The following DIP2C variants were observed in gnomAD, a reference collection of about 807,000 sequenced individuals.
DIP2C encodes disco-interacting protein 2 homolog C.
Under a neutral mutation model 192.4 loss-of-function variants are expected in DIP2C, and 33 were observed. The observed-to-expected ratio is 0.17, with a 90% CI of 0.13 to 0.23. The LOEUF (loss-of-function observed/expected upper bound fraction) is 0.23, where lower values mean the gene tolerates loss of function less well. Ranked by LOEUF, DIP2C falls within the 10% of genes least tolerant of loss-of-function variation. The pLI, the probability that DIP2C is intolerant of heterozygous loss-of-function variation, is 1.00. For missense variants in DIP2C, 1,537 were observed against 2,110.1 expected (o/e 0.73, Z 5.32); for synonymous variants, 979 against 864.1 (o/e 1.13, Z -2.33).
Position 649,080 on chromosome 10 carries a change from G to A in DIP2C, c.85+40414C>T, listed in dbSNP as rs551177967. Among the ~76,000 whole-genome samples the A allele has an allele frequency of 8.8e-4, 129 of 146,916 alleles. 1 individual carries two copies. The highest frequency in any genetic ancestry group is 3.0e-3 in the African/African-American group (120 of 39,832). ...ATTGGATGGTGGGAGAGAACATAGG[G>A]AAACTGAGTCCACGTCCACATTGGA... On this transcript the variant is annotated intron_variant, in intron 1 of 36. Transcript: ENST00000280886.
At chr10:607,967 G>C (rs1852619324) in intron 1 of DIP2C, among the ~76,000 whole-genome samples, 1 of 151,684 alleles carries the variant, frequency 6.6e-6, no homozygotes, top group African/African-American at 2.4e-5. Flanking sequence ...GAGGCTTGCG[G>C]CTACAGACAC....
At chr10:327,450 G>A (rs1487476037) in intron 30 of DIP2C, among the ~76,000 whole-genome samples, 1 of 152,228 alleles carries the variant, frequency 6.6e-6, no homozygotes, top group African/African-American at 2.4e-5. Context: ...GAAAAAGGTT[G>A]AGGAAAAGCA....
chr10:457,987 C>A (rs1326255046), intron 3 of DIP2C, among the ~76,000 whole-genome samples: 1 of 152,172 alleles, frequency 6.6e-6, no homozygotes, highest in African/African-American at 2.4e-5. Context: ...ACAGTCCCAC[C>A]CACACCATCC....
At chr10:490,776 G>T (rs1204950958) in intron 1 of DIP2C, among the ~76,000 whole-genome samples, 1 of 152,114 alleles carries the variant, frequency 6.6e-6, no homozygotes, top group Non-Finnish European at 1.5e-5. Flanking sequence ...CGCCACTTAT[G>T]TTATTCTCAG....
intron 1 of DIP2C, among the ~76,000 whole-genome samples, chr10:520,179 C>T (rs950835679): frequency 1.3e-5 from 2 of 152,184 alleles, no homozygotes; most frequent in African/African-American, 4.8e-5. Context: ...AGAACCAAGG[C>T]GGCTGGGGTC....
chr10:460,131 C>G (rs2133375852), intron 3 of DIP2C, among the ~76,000 whole-genome samples: 2 of 152,276 alleles, frequency 1.3e-5, no homozygotes, highest in South Asian at 4.2e-4. Flanking sequence ...ACAGTCACAT[C>G]AGGGAACGGC....
chr10:518,799 G>A (rs967957435), intron 1 of DIP2C, among the ~76,000 whole-genome samples: 13 of 152,338 alleles, frequency 8.5e-5, no homozygotes, highest in African/African-American at 2.6e-4. Flanking sequence ...CTTCCAGAAA[G>A]AGGTTTAATT....
At chr10:484,786 C>T (rs1372583746) in intron 2 of DIP2C, 16 of 1,610,886 alleles carry the variant, frequency 9.9e-6, no homozygotes, top group Admixed American at 1.7e-5. Context: ...CTCACCGAAA[C>T]GAAAGTAAAA....
At chr10:598,030 T>C (rs1436974249) in intron 1 of DIP2C, among the ~76,000 whole-genome samples, 3 of 152,182 alleles carry the variant, frequency 2.0e-5, no homozygotes, top group Non-Finnish European at 4.4e-5. Flanking sequence ...TCATTAAACG[T>C]TTAGGAGGGC....
chr10:650,248 A>G (rs772045315), intron 1 of DIP2C: 35 of 716,996 alleles, frequency 4.9e-5, no homozygotes, highest in Non-Finnish European at 8.6e-5. Flanking sequence ...TCCCCTCAGG[A>G]GACAGCTGGC....
In DIP2C at chr10:425,405, C is replaced by T. The variant is rs908457707; in HGVS notation, c.395-2372G>A. On this transcript the variant is annotated intron_variant, in intron 4 of 36. Transcript: ENST00000280886. ...ATGACCAGCGGTGACTAATATGACACGGATGATACGGCATGACCAGCAGTG... is the reference window on the plus strand; with the variant it reads ...ATGACCAGCGGTGACTAATATGACATGGATGATACGGCATGACCAGCAGTG... 4.8e-5 allele frequency among the ~76,000 whole-genome samples: 7 copies of T among 145,608 alleles called. 1 individual carries two copies. The highest frequency in any genetic ancestry group is 9.0e-5 in the Non-Finnish European group (6 of 67,026).
At chr10:367,266 A>C (rs1196980138) in intron 18 of DIP2C, among the ~76,000 whole-genome samples, 2 of 152,026 alleles carry the variant, frequency 1.3e-5, no homozygotes, top group Non-Finnish European at 2.9e-5. Context: ...AAATACAAAA[A>C]AGTAGCCGGG....
intron 1 of DIP2C, among the ~76,000 whole-genome samples, chr10:576,225 A>G (rs1170374583): frequency 6.6e-6 from 1 of 152,258 alleles, no homozygotes; most frequent in African/African-American, 2.4e-5. Flanking sequence ...ACTCCCAGGC[A>G]GCTGCAGAAG....
At chr10:635,088 A>G (rs1211202251) in intron 1 of DIP2C, among the ~76,000 whole-genome samples, 1 of 152,232 alleles carries the variant, frequency 6.6e-6, no homozygotes, top group African/African-American at 2.4e-5. Context: ...AAGAACAGAG[A>G]GAGGATTCCA....
Position 522,562 on chromosome 10 carries a change from C to T in DIP2C, c.86-36032G>A, listed in dbSNP as rs1265699720. Reference sequence around the variant, plus strand: ...GCCCCACACGCCCACCAGCACGCGGCGGTGTCGCAGTTCCAGTTTTGGCCA... The same window carrying T: ...GCCCCACACGCCCACCAGCACGCGGTGGTGTCGCAGTTCCAGTTTTGGCCA... On this transcript the variant is annotated intron_variant, in intron 1 of 36. Transcript: ENST00000280886. 3.3e-5 allele frequency among the ~76,000 whole-genome samples: 5 copies of T among 152,254 alleles called. 1 individual carries two copies. In the East Asian group the frequency reaches 5.8e-4, roughly 18 times the overall value.
At position 360,895 on chromosome 10, in the gene DIP2C, T is replaced by G. The variant is rs560179304; in HGVS notation, c.2794+1595A>C. On this transcript the variant is annotated intron_variant, in intron 22 of 36. Transcript: ENST00000280886. Reference sequence around the variant, plus strand: ...GTCACCCACAAATGGCCTCAACGAATGTTTGCTTTGGCTTCCAATAATGGC... The same window carrying G: ...GTCACCCACAAATGGCCTCAACGAAGGTTTGCTTTGGCTTCCAATAATGGC... Among the ~76,000 whole-genome samples, 261 of 152,326 alleles carry G rather than the reference T, an allele frequency of 1.7e-3. 1 individual carries two copies. Among genetic ancestry groups the G allele is most frequent in the African/African-American group, 5.9e-3 (244 of 41,570 alleles).
intron 1 of DIP2C, among the ~76,000 whole-genome samples, chr10:513,465 G>A (rs1012028209): frequency 2.6e-5 from 4 of 152,066 alleles, no homozygotes; most frequent in East Asian, 1.9e-4. Context: ...AGCACACTGC[G>A]GCCCGCGCCT....
At chr10:304,981 T>C (rs3123230) in intron 32 of DIP2C, among the ~76,000 whole-genome samples, 1,521 of 152,050 alleles carry the variant, frequency 0.01, 24 homozygotes, top group African/African-American at 0.035. Flanking sequence ...GTGTACACAT[T>C]TGAAAGTCAC....
At chr10:289,616 C>T (rs940510606) in intron 32 of DIP2C, among the ~76,000 whole-genome samples, 1 of 152,172 alleles carries the variant, frequency 6.6e-6, no homozygotes, top group Non-Finnish European at 1.5e-5. Context: ...GCACTCGACA[C>T]AGCAGTCTTC....
Sources: allele counts gnomAD v4.1 joint callset (sites outside exome capture counted in the v4.1 genomes callset), GRCh38; gene constraint gnomAD v4.1.1; transcripts MANE v1.5; gene names NCBI Gene and HGNC (gene_info 2026-07-23, HGNC 2026-07-21).